The following PPP1R21 variants were observed in gnomAD, a reference collection of about 807,000 sequenced individuals.
The protein encoded by PPP1R21 is KLRAQ motif containing 1.
A neutral mutation model predicts 112.8 loss-of-function variants in PPP1R21; 85 were observed. The ratio of observed to expected loss-of-function variants is 0.75; its 90% confidence interval spans 0.63 to 0.90. The LOEUF is 0.90. Among genes scored for constraint, PPP1R21 ranks in the 40% least tolerant of loss-of-function variants. PPP1R21 has a pLI of 0.00. For synonymous variants in PPP1R21, 381 were observed against 322.3 expected, an observed-to-expected ratio of 1.18 and a Z score of -1.95; for missense variants, 1,199 against 901.5, an observed-to-expected ratio of 1.33 and a Z score of -4.23.
rs576669789 is a variant in PPP1R21 at position 48,455,980 on chromosome 2, G to T, written c.273+1239G>T. On this transcript the variant is annotated intron_variant, in intron 3 of 21. Transcript: ENST00000294952. The stretch of plus-strand genomic sequence containing the variant: ...CAGCGAGCCGAGATCAGGCCACTGC[G>T]CTCCGACCTGGGTGGCAGAGTGAGA... Among the ~76,000 whole-genome samples, 5 of 145,390 alleles carry T rather than the reference G, an allele frequency of 3.4e-5. No homozygotes were observed. In the South Asian group the frequency reaches 1.1e-3, roughly 32 times the overall value.
intron 19 of PPP1R21, among the ~76,000 whole-genome samples, chr2:48,507,739 G>T (rs1488579903): frequency 7.3e-6 from 1 of 136,646 alleles, no homozygotes; most frequent in African/African-American, 2.7e-5. Flanking sequence ...TGATTTGAGT[G>T]AGGCTCTGCC....
At chr2:48,451,871 G>C (rs755601427) in intron 2 of PPP1R21, among the ~76,000 whole-genome samples, 1 of 152,108 alleles carries the variant, frequency 6.6e-6, no homozygotes, top group Admixed American at 6.5e-5. Context: ...GTCTGAGGTG[G>C]CTCCACTTAG....
intron 13 of PPP1R21, among the ~76,000 whole-genome samples, chr2:48,483,777 A>C (rs1669144490): frequency 6.6e-6 from 1 of 152,080 alleles, no homozygotes; most frequent in Non-Finnish European, 1.5e-5. Flanking sequence ...CCACCATGTA[A>C]CTTCTGACTA....
In PPP1R21 at chr2:48,461,208, G is replaced by GA; in HGVS notation, c.675dup (p.Val226SerfsTer4). ...AGAGGAATCCTTATCAATCATCAAT[G>GA]AAAAAGTACCTTTTAATGATACAAG... is the stretch of plus-strand genomic sequence containing the variant. On this transcript the variant is annotated frameshift_variant, in exon 7 of 22. Transcript: ENST00000294952. LOFTEE classifies it high-confidence loss of function. 1 of 1,571,612 alleles carries GA rather than the reference G, an allele frequency of 6.4e-7. No homozygotes were observed. Among genetic ancestry groups the GA allele is most frequent in the Non-Finnish European group, 8.6e-7 (1 of 1,164,674 alleles).
In PPP1R21 at chr2:48,454,620, C is replaced by G; in HGVS notation, c.152C>G (p.Ser51Ter). The change falls in exon 3 of 22, where the codon TCA becomes TGA. Residue 51 changes from serine to a stop codon, truncating the protein, a stop_gained. Coordinates refer to ENST00000294952, the MANE Select transcript of PPP1R21 (RefSeq NM_001135629.3). LOFTEE classifies it high-confidence loss of function. ...LKEQLKMKDQSLRKLQQEMDS... is the reference protein window; with the variant it reads ...LKEQLKMKDQ ...GAGCAACTGAAAATGAAGGATCAGT[C>G]ATTGAGAAAACTACAACAGGAAATG... 1 of 1,613,998 alleles carries G rather than the reference C, an allele frequency of 6.2e-7. No individual in the cohort carries two copies. The highest frequency in any genetic ancestry group is 1.3e-5 in the African/African-American group (1 of 75,028).
rs922215227 is a variant in PPP1R21, at chr2:48,488,648, G to GCTT, written c.1446+1891_1446+1893dup. Among the ~76,000 whole-genome samples the GCTT allele has an allele frequency of 1.8e-4, 27 of 152,232 alleles. 1 individual carries two copies. Among genetic ancestry groups the GCTT allele is most frequent in the African/African-American group, 6.0e-4 (25 of 41,546 alleles). ...CTTGCATACGTCATAGTTTATTTTA[G>GCTT]CTTTACTTTGCCTGAAACCGTAAAA... On this transcript the variant is annotated intron_variant, in intron 14 of 21. Transcript: ENST00000294952.
chr2:48,511,534 A>T, intron 21 of PPP1R21, 66 bp downstream of exon 21: 1 of 1,571,996 alleles, frequency 6.4e-7, no homozygotes, highest in Non-Finnish European at 8.7e-7. Flanking sequence ...TTTTATTGTT[A>T]TGCATTTCAG....
intron 13 of PPP1R21, among the ~76,000 whole-genome samples, chr2:48,482,717 A>T (rs1448401972): frequency 6.6e-6 from 1 of 151,508 alleles, no homozygotes; most frequent in Non-Finnish European, 1.5e-5. Flanking sequence ...AATTATGAAA[A>T]TATATAGACC....
At chr2:48,458,974 C>T (rs960285734) in intron 4 of PPP1R21, among the ~76,000 whole-genome samples, 18 of 151,782 alleles carry the variant, frequency 1.2e-4, no homozygotes, top group Non-Finnish European at 1.2e-4. Flanking sequence ...CACCTGTAGT[C>T]CCAGCTACTT....
rs754138114 is a variant in PPP1R21, at chr2:48,451,037, A to G, written c.87A>G (p.Lys29=). 1.2e-5 allele frequency: 20 copies of G among 1,613,460 alleles called. No individual in the cohort carries two copies. The highest frequency in any genetic ancestry group is 3.3e-4 in the Middle Eastern group (2 of 6,084). ...KLRAQNQVLK[K]GVVDEQANSA... ...GGGCTCAGAATCAGGTTCTGAAAAA[A>G]GGTGTTGTGGATGAACAAGCAAATT... The change falls in exon 2 of 22, where the codon AAA becomes AAG. Residue 29 remains lysine, a synonymous_variant. Coordinates refer to ENST00000294952, the MANE Select transcript of PPP1R21 (RefSeq NM_001135629.3).
intron 1 of PPP1R21, 70 bp from the exon 2 acceptor site, chr2:48,450,938 T>C: frequency 3.1e-6 from 4 of 1,305,712 alleles, no homozygotes; most frequent in Non-Finnish European, 3.3e-6. Context: ...GCCTGTAAAA[T>C]TGATGTGATT....
chr2:48,474,816 C>A lies in PPP1R21; in HGVS notation c.1222C>A (p.Pro408Thr). Residue 408 changes from proline (P) to threonine (T), a missense_variant, in exon 12 of 22, where the codon CCA becomes ACA. Pro to Thr is a conservative substitution (Grantham distance 38). Transcript: ENST00000294952. The stretch of plus-strand genomic sequence containing the variant: ...GACTTACATAGCTCTTCTTGCCTTG[C>A]CAAGTAAGTATGTTTGTTGCTTAGG... ...LQTYIALLALPSTEPDGLLRT... is the reference protein window; with the variant it reads ...LQTYIALLALTSTEPDGLLRT... The A allele has an allele frequency of 6.2e-7, 1 of 1,611,210 alleles. No homozygotes were observed.
intron 17 of PPP1R21, among the ~76,000 whole-genome samples, chr2:48,504,876 C>G (rs1670303290): frequency 6.6e-6 from 1 of 152,118 alleles, no homozygotes; most frequent in Admixed American, 6.5e-5. Context: ...TGCCTGTAAT[C>G]TCAGCTACTC....
At chr2:48,455,502 C>T (rs1667681268) in intron 3 of PPP1R21, among the ~76,000 whole-genome samples, 1 of 151,978 alleles carries the variant, frequency 6.6e-6, no homozygotes, top group African/African-American at 2.4e-5. Context: ...AGAAAGCAGA[C>T]TCTTATTATT....
At chr2:48,482,197 C>T (rs2103899757) in intron 13 of PPP1R21, among the ~76,000 whole-genome samples, 1 of 152,214 alleles carries the variant, frequency 6.6e-6, no homozygotes, top group African/African-American at 2.4e-5. Context: ...ACAGGAGTGA[C>T]TCAATTATTT....
At chr2:48,462,067 C>T (rs1415277517) in intron 7 of PPP1R21, among the ~76,000 whole-genome samples, 1 of 152,170 alleles carries the variant, frequency 6.6e-6, no homozygotes, top group Non-Finnish European at 1.5e-5. Flanking sequence ...CTACTGGATT[C>T]ACTGGATTTG....
intron 13 of PPP1R21, among the ~76,000 whole-genome samples, chr2:48,484,954 G>A (rs1669211910): frequency 6.6e-6 from 1 of 152,136 alleles, no homozygotes; most frequent in South Asian, 2.1e-4. Context: ...TTATAACATT[G>A]TATATACTTC....
chr2:48,513,676 T>A (rs187619351), intron 21 of PPP1R21, among the ~76,000 whole-genome samples: 1 of 152,202 alleles, frequency 6.6e-6, no homozygotes, highest in Non-Finnish European at 1.5e-5. Context: ...CATCATCTTA[T>A]GGCTGACATT....
At chr2:48,476,342 C>G (rs1259197333) in intron 12 of PPP1R21, among the ~76,000 whole-genome samples, 3 of 152,042 alleles carry the variant, frequency 2.0e-5, no homozygotes, top group Non-Finnish European at 4.4e-5. Flanking sequence ...TTTTACTTAC[C>G]CGTTTGTCAT....
Sources: allele counts gnomAD v4.1 joint callset (sites outside exome capture counted in the v4.1 genomes callset), GRCh38; gene constraint gnomAD v4.1.1; transcripts MANE v1.5; gene names NCBI Gene and HGNC (gene_info 2026-07-23, HGNC 2026-07-21).